RBMS3: variants seen among roughly 807,000 people sequenced by gnomAD.
RBMS3 encodes RNA-binding motif, single-stranded-interacting protein 3.
In RBMS3, 27 loss-of-function variants were observed where a neutral mutation model predicts 66.8. The ratio of observed to expected loss-of-function variants is 0.40; its 90% CI spans 0.30 to 0.56. The LOEUF (loss-of-function observed/expected upper bound fraction) is 0.56, where lower values mean the gene tolerates loss of function less well. Ranked by LOEUF, RBMS3 falls within the 20% of genes least tolerant of loss-of-function variation. The pLI, the probability that RBMS3 is intolerant of heterozygous loss-of-function variation, is 0.40. For synonymous variants in RBMS3, 188 were observed against 183.0 expected, an observed-to-expected ratio of 1.03 and a Z score of -0.22; for missense variants, 513 against 549.5, an observed-to-expected ratio of 0.93 and a Z score of 0.66.
intron 4 of RBMS3, among the ~76,000 whole-genome samples, chr3:29,685,207 C>T (rs1357634006): frequency 2.0e-5 from 3 of 151,848 alleles, no homozygotes; most frequent in South Asian, 2.1e-4. Context: ...TACAGGCGCC[C>T]GCCACCACGC....
intron 1 of RBMS3, among the ~76,000 whole-genome samples, chr3:29,397,051 A>T (rs2039584572): frequency 6.6e-6 from 1 of 152,206 alleles, no homozygotes; most frequent in African/African-American, 2.4e-5. Flanking sequence ...ATTGTGCATC[A>T]TTCATTTTCA....
At chr3:29,976,913 A>ATC (rs1697628714) in intron 12 of RBMS3, among the ~76,000 whole-genome samples, 1 of 152,036 alleles carries the variant, frequency 6.6e-6, no homozygotes, top group Admixed American at 6.6e-5. Context: ...ACTCTGACAA[A>ATC]TCGTAACTCA....
intron 1 of RBMS3, among the ~76,000 whole-genome samples, chr3:29,391,495 G>T (rs981164782): frequency 6.6e-6 from 1 of 152,138 alleles, no homozygotes; most frequent in Non-Finnish European, 1.5e-5. Flanking sequence ...TTAGAAAAAC[G>T]GTGGAAAGGA....
intron 10 of RBMS3, among the ~76,000 whole-genome samples, chr3:29,919,407 G>A (rs1348447984): frequency 6.6e-6 from 1 of 152,206 alleles, no homozygotes; most frequent in African/African-American, 2.4e-5. Context: ...CTTTCCTGGA[G>A]GAGAAATGCA....
intron 1 of RBMS3, among the ~76,000 whole-genome samples, chr3:29,427,314 A>G (rs2040996891): frequency 6.6e-6 from 1 of 152,226 alleles, no homozygotes; most frequent in Non-Finnish European, 1.5e-5. Context: ...CCATGGCTGT[A>G]ATTGCATGGC....
At chr3:29,511,107 C>T (rs1260664545) in intron 3 of RBMS3, among the ~76,000 whole-genome samples, 1 of 152,074 alleles carries the variant, frequency 6.6e-6, no homozygotes, top group Non-Finnish European at 1.5e-5. Context: ...GACCTATTGG[C>T]TAACATGGTG....
At chr3:29,960,225 C>T (rs903164584) in intron 12 of RBMS3, among the ~76,000 whole-genome samples, 2 of 152,192 alleles carry the variant, frequency 1.3e-5, no homozygotes, top group Non-Finnish European at 2.9e-5. Context: ...ACCAAAGGGA[C>T]TACAGACCCC....
intron 4 of RBMS3, among the ~76,000 whole-genome samples, chr3:29,722,895 A>G (rs1322362859): frequency 2.0e-5 from 3 of 152,138 alleles, no homozygotes. Context: ...AAATGTCTCC[A>G]TGGAAAAGTT....
intron 2 of RBMS3, among the ~76,000 whole-genome samples, chr3:29,437,700 A>G (rs1020981644): frequency 1.3e-5 from 2 of 152,200 alleles, no homozygotes; most frequent in African/African-American, 2.4e-5. Flanking sequence ...CTGTCTTTCA[A>G]TCTTGGCTAT....
chr3:29,654,159 GAAAA>G (rs1025816552), intron 4 of RBMS3, among the ~76,000 whole-genome samples: 19 of 152,150 alleles, frequency 1.2e-4, no homozygotes, highest in African/African-American at 4.1e-4. Flanking sequence ...ACGTTGAAAT[GAAAA>G]GATAGGGAAA....
At chr3:29,615,474 A>ACT (rs2048637903) in intron 4 of RBMS3, among the ~76,000 whole-genome samples, 1 of 151,590 alleles carries the variant, frequency 6.6e-6, no homozygotes, top group African/African-American at 2.4e-5. Flanking sequence ...CAGTTAGCAC[A>ACT]CACACACACA....
At chr3:29,896,060 AT>A (rs576193759) in intron 8 of RBMS3, among the ~76,000 whole-genome samples, 135 of 150,458 alleles carry the variant, frequency 9.0e-4, no homozygotes, top group African/African-American at 3.0e-3. Flanking sequence ...CATCCACACT[AT>A]TTTTTTTTAC....
chr3:29,935,076 C>T (rs2061231377), intron 10 of RBMS3, among the ~76,000 whole-genome samples: 1 of 152,068 alleles, frequency 6.6e-6, no homozygotes, highest in Non-Finnish European at 1.5e-5. Flanking sequence ...TATGTTTCTA[C>T]TTTTATCACA....
intron 3 of RBMS3, among the ~76,000 whole-genome samples, chr3:29,571,117 G>A (rs867545387): frequency 3.3e-5 from 5 of 151,136 alleles, no homozygotes; most frequent in African/African-American, 1.2e-4. Flanking sequence ...TTTGCCATTT[G>A]TATGTCACCC....
At chr3:29,538,411 T>A (rs2045648042) in intron 3 of RBMS3, among the ~76,000 whole-genome samples, 1 of 152,130 alleles carries the variant, frequency 6.6e-6, no homozygotes, top group Admixed American at 6.6e-5. Context: ...TATACGATTA[T>A]TGAGTGCGAA....
chr3:29,979,070 T>G (rs369468436), intron 12 of RBMS3, among the ~76,000 whole-genome samples: 135 of 152,208 alleles, frequency 8.9e-4, no homozygotes, highest in African/African-American at 2.9e-3. Flanking sequence ...AGTTTGAGGT[T>G]ACAGTGAGCT....
chr3:29,895,394 T>TC (rs71628538), intron 8 of RBMS3, among the ~76,000 whole-genome samples: 1 of 151,540 alleles, frequency 6.6e-6, no homozygotes, highest in Admixed American at 6.6e-5. Flanking sequence ...AACAGGTATC[T>TC]CCCCTCCTCA....
At chr3:29,975,291 G>A (rs1697509621) in intron 12 of RBMS3, among the ~76,000 whole-genome samples, 1 of 151,084 alleles carries the variant, frequency 6.6e-6, no homozygotes, top group South Asian at 2.1e-4. Flanking sequence ...ACATACATAG[G>A]AGTGTGATTG....
rs1053451399 is a variant in RBMS3 at position 29,517,323 on chromosome 3, T to G, written c.307+28824T>G. Among the ~76,000 whole-genome samples the G allele has an allele frequency of 2.8e-4, 33 of 116,288 alleles. 1 individual carries two copies. In the East Asian group the frequency reaches 3.9e-3, roughly 14 times the overall value. The allele number at this position is 116,288 out of a possible 152,430, so 76.3% of individuals were successfully genotyped here. A position where few individuals can be genotyped will look rare whatever the true frequency, so the allele number is the denominator to read the frequency against. ...TGTGTGTGTGTATATATATATATTT[T>G]TTTTTTGTTTTTTTTTTGAAACAGA... On this transcript the variant is annotated intron_variant, in intron 3 of 14. Transcript: ENST00000383767.
Sources: gnomAD v4.1 joint callset for allele counts (sites outside exome capture counted in the v4.1 genomes callset) on GRCh38, gnomAD v4.1.1 for gene constraint, MANE v1.5 for transcripts, NCBI Gene and HGNC (gene_info 2026-07-23, HGNC 2026-07-21) for gene names.